Variants in TPD52 observed in about 807,000 individuals in gnomAD.
TPD52 encodes the protein prostate and colon associated protein.
Under a neutral mutation model 31.3 loss-of-function variants are expected in TPD52, and 17 were observed. The observed-to-expected ratio is 0.54, with a 90% confidence interval of 0.37 to 0.82. TPD52 has a LOEUF of 0.82. Among genes scored for constraint, TPD52 ranks in the 40% least tolerant of loss-of-function variants. The probability of loss-of-function intolerance (pLI) is 0.00; values close to 1 mark genes in which losing one functional copy is unlikely to be tolerated. For missense variants in TPD52, 212 were observed against 240.1 expected (o/e 0.88, Z 0.77); for synonymous variants, 83 against 89.6 (o/e 0.93, Z 0.42).
intron 1 of TPD52, 35 bp downstream of exon 1, chr8:80,171,383 AGTCCAAG>A: frequency 6.3e-7 from 1 of 1,592,056 alleles, no homozygotes; most frequent in Non-Finnish European, 8.5e-7. Flanking sequence ...TCCAAGCCCG[AGTCCAAG>A]CCCGAGCCCA....
intron 1 of TPD52, chr8:80,080,494 T>C (rs1288279309): frequency 2.5e-6 from 4 of 1,609,110 alleles, no homozygotes; most frequent in Non-Finnish European, 3.4e-6. Context: ...AATCGCCTGA[T>C]ATCAGCCTTC....
intron 3 of TPD52, among the ~76,000 whole-genome samples, chr8:80,052,357 A>C (rs1811462704): frequency 6.6e-6 from 1 of 152,238 alleles, no homozygotes; most frequent in African/African-American, 2.4e-5. Context: ...TATCGTACCT[A>C]CCAAAACAAT....
Position 80,171,331 on chromosome 8 carries a change from C to G in TPD52, c.19+94G>C, listed in dbSNP as rs757614526. 17 of 1,528,010 alleles carry G rather than the reference C, an allele frequency of 1.1e-5. No homozygotes were observed. The South Asian group carries it at 2.0e-4, about 18-fold the overall frequency. The allele number at this position is 1,528,010 out of a possible 1,614,324, so 94.7% of individuals were successfully genotyped here. A position where few individuals can be genotyped will look rare whatever the true frequency, so the allele number is the denominator to read the frequency against. On this transcript the variant is annotated intron_variant, in intron 1 of 7. Coordinates refer to ENST00000518937, the MANE Select transcript of TPD52 (RefSeq NM_001025253.3). Reference sequence around the variant, plus strand: ...CCAGGAGGCTCGGCACCTGCTCGAGCCGCCGGGCCGCGCTCAGCCCCGCGC... The same window carrying G: ...CCAGGAGGCTCGGCACCTGCTCGAGGCGCCGGGCCGCGCTCAGCCCCGCGC...
intron 1 of TPD52, among the ~76,000 whole-genome samples, chr8:80,159,363 T>C (rs573223796): frequency 9.2e-5 from 14 of 152,326 alleles, no homozygotes; most frequent in African/African-American, 3.1e-4. Flanking sequence ...GACTCTGGTA[T>C]AGATACACTG....
downstream of TPD52, among the ~76,000 whole-genome samples, chr8:80,034,494 A>C (rs1371289255): frequency 2.0e-5 from 3 of 152,174 alleles, no homozygotes; most frequent in Non-Finnish European, 1.5e-5. Flanking sequence ...ACCATCAACA[A>C]GTCTGGAGAT....
chr8:80,032,389 C>G (rs1006079357), downstream of TPD52, among the ~76,000 whole-genome samples: 2 of 152,084 alleles, frequency 1.3e-5, no homozygotes, highest in South Asian at 4.1e-4. Flanking sequence ...TCTGATCCTG[C>G]TGTAACCACT....
chr8:80,106,035 T>G (rs943774019), intron 1 of TPD52, among the ~76,000 whole-genome samples: 3 of 152,176 alleles, frequency 2.0e-5, no homozygotes, highest in Non-Finnish European at 4.4e-5. Flanking sequence ...ATGAATGGGT[T>G]TTGCTCTGAA....
intron 1 of TPD52, among the ~76,000 whole-genome samples, chr8:80,088,825 C>CT (rs1816029993): frequency 6.6e-6 from 1 of 152,142 alleles, no homozygotes; most frequent in South Asian, 2.1e-4. Context: ...CGCAAAAGGC[C>CT]TTTTTCACAG....
At chr8:80,119,617 A>G (rs958519729) in intron 1 of TPD52, among the ~76,000 whole-genome samples, 4 of 152,274 alleles carry the variant, frequency 2.6e-5, no homozygotes, top group Admixed American at 6.5e-5. Context: ...AGGGATTTCA[A>G]TTTTTTACTT....
At chr8:80,061,557 C>T (rs1421650979) in intron 2 of TPD52, among the ~76,000 whole-genome samples, 10 of 151,358 alleles carry the variant, frequency 6.6e-5, no homozygotes, top group Admixed American at 2.6e-4. Flanking sequence ...TGGTGGCAAG[C>T]GCCTGTAGTC....
In TPD52 at chr8:80,051,555, C is replaced by T. The variant is rs773103313; in HGVS notation, c.358G>A (p.Val120Ile). The T allele has an allele frequency of 3.7e-6, 6 of 1,613,756 alleles. No individual in the cohort carries two copies. In the East Asian group the frequency reaches 1.3e-4, roughly 36 times the overall value. The change falls in exon 4 of 8, where the codon GTC becomes ATC. Residue 120 changes from valine (V) to isoleucine (I), a missense_variant. Val to Ile is a conservative substitution (Grantham distance 29, BLOSUM62 3). Transcript: ENST00000518937. ...ASAAFSSVGSVITKKLEDVKL... is the reference protein window; with the variant it reads ...ASAAFSSVGSIITKKLEDVKL... ...ACATCTTCCAGCTTTTTGGTGATGA[C>T]TGAGCCAACAGACGAAAAAGCAGCT...
At chr8:80,066,844 T>C (rs1813208970) in intron 1 of TPD52, 1 of 152,180 alleles carries the variant, frequency 6.6e-6, no homozygotes, top group Non-Finnish European at 1.5e-5. Context: ...GAGTCAAGCA[T>C]TCAAGTAACA....
intron 1 of TPD52, among the ~76,000 whole-genome samples, chr8:80,130,049 C>T (rs749908711): frequency 1.3e-5 from 2 of 152,226 alleles, no homozygotes; most frequent in East Asian, 1.9e-4. Context: ...AGCCAGGTCA[C>T]GAGTTTTATA....
Position 80,037,833 on chromosome 8 carries a change from T to C in TPD52, c.*283A>G. ...GCAGGAAAACAACTATGACAATCTG[T>C]AGCTTCTTAGATCATTATAGTGAAT... On this transcript the variant is annotated 3_prime_UTR_variant, in exon 8 of 8. Coordinates refer to ENST00000518937, the MANE Select transcript of TPD52 (RefSeq NM_001025253.3). 1 of 262,332 alleles carries C rather than the reference T, an allele frequency of 3.8e-6. No individual in the cohort carries two copies. The highest frequency in any genetic ancestry group is 7.1e-6 in the Non-Finnish European group (1 of 140,404). The allele number at this position is 262,332 out of a possible 1,614,324, so 16.3% of individuals were successfully genotyped here. A position where few individuals can be genotyped will look rare whatever the true frequency, so the allele number is the denominator to read the frequency against.
chr8:80,074,247 T>C (rs974119947), intron 1 of TPD52, among the ~76,000 whole-genome samples: 2 of 152,208 alleles, frequency 1.3e-5, no homozygotes, highest in African/African-American at 4.8e-5. Flanking sequence ...TGCATCCCCC[T>C]TTTTAAACCT....
At chr8:80,128,409 C>T (rs1808779930) in intron 1 of TPD52, among the ~76,000 whole-genome samples, 1 of 147,478 alleles carries the variant, frequency 6.8e-6, no homozygotes, top group Non-Finnish European at 1.5e-5. Context: ...AATCCCAGCA[C>T]TTTAGGAGGC....
At chr8:80,146,793 G>C (rs570393268) in intron 1 of TPD52, among the ~76,000 whole-genome samples, 1 of 152,306 alleles carries the variant, frequency 6.6e-6, no homozygotes, top group East Asian at 1.9e-4. Context: ...ATATGTACTA[G>C]CACAGAAAGT....
chr8:80,126,749 CT>C (rs112080121), intron 1 of TPD52, among the ~76,000 whole-genome samples: 2 of 152,118 alleles, frequency 1.3e-5, no homozygotes, highest in African/African-American at 4.8e-5. Flanking sequence ...TCCCTATGTG[CT>C]GGGATTACAA....
intron 1 of TPD52, among the ~76,000 whole-genome samples, chr8:80,153,031 T>C (rs1398918540): frequency 6.6e-6 from 1 of 152,170 alleles, no homozygotes; most frequent in East Asian, 1.9e-4. Context: ...TGAATTTATA[T>C]GTATATTAAA....
Sources: allele counts gnomAD v4.1 joint callset (sites outside exome capture counted in the v4.1 genomes callset), GRCh38; gene constraint gnomAD v4.1.1; transcripts MANE v1.5; gene names NCBI Gene and HGNC (gene_info 2026-07-23, HGNC 2026-07-21).